Variants in SIGIRR observed in about 807,000 individuals in gnomAD.
SIGIRR encodes single Ig and TIR domain containing.
A neutral mutation model predicts 45.6 loss-of-function variants in SIGIRR; 41 were observed. That is an observed-to-expected ratio of 0.90 (90% CI 0.70 to 1.17). SIGIRR has a LOEUF of 1.17. SIGIRR is among the 50% of genes most tolerant of loss of function. The probability of loss-of-function intolerance (pLI) is 0.00; values close to 1 mark genes in which losing one functional copy is unlikely to be tolerated. For missense variants in SIGIRR, 599 were observed against 539.6 expected, an observed-to-expected ratio of 1.11 and a Z score of -1.09; for synonymous variants, 298 against 239.0, an observed-to-expected ratio of 1.25 and a Z score of -2.28.
intron 1 of SIGIRR, among the ~76,000 whole-genome samples, chr11:413,895 C>A: frequency 7.1e-6 from 1 of 139,874 alleles, no homozygotes; most frequent in Non-Finnish European, 1.6e-5. Flanking sequence ...CCCCTCCCCA[C>A]CTTCCCCTGC....
At chr11:407,311 C>CG (rs1847375697) in intron 6 of SIGIRR, 114 bp downstream of exon 6, 12 of 623,822 alleles carry the variant, frequency 1.9e-5, no homozygotes, top group East Asian at 3.9e-5. Flanking sequence ...CTCGGGTGGG[C>CG]GGGGATGGGG....
At chr11:413,377 T>G (rs918352776) in intron 1 of SIGIRR, among the ~76,000 whole-genome samples, 1 of 151,992 alleles carries the variant, frequency 6.6e-6, no homozygotes, top group South Asian at 2.1e-4. Context: ...AGGAAAGTCC[T>G]TGACCCAGGG....
rs751726352 is a variant in SIGIRR, at chr11:407,865, T to TGACATAGAGCACTTGACA, written c.432_433insTGTCAAGTGCTCTATGTC (p.Leu144_Asn145insCysGlnValLeuTyrVal). On this transcript the variant is annotated inframe_insertion, in exon 5 of 10. Coordinates refer to ENST00000431843, the MANE Select transcript of SIGIRR (RefSeq NM_001135054.2). The stretch of plus-strand genomic sequence containing the variant: ...GCGTCCTGGTACCAGAGCAGCACGT[T>TGACATAGAGCACTTGACA]GAGACGGCACTTGACATAGAGCAGG... The TGACATAGAGCACTTGACA allele has an allele frequency of 7.4e-6, 12 of 1,612,486 alleles. No individual in the cohort carries two copies. The highest frequency in any genetic ancestry group is 1.0e-5 in the Non-Finnish European group (12 of 1,179,866).
chr11:406,264 C>T (rs1252434378), intron 9 of SIGIRR, 85 bp downstream of exon 9: 2 of 1,554,040 alleles, frequency 1.3e-6, no homozygotes, highest in Non-Finnish European at 1.7e-6. Context: ...ACCTGGAGCC[C>T]CTCCAGGCCC....
At chr11:415,593 C>A (rs1847860375), upstream of SIGIRR, among the ~76,000 whole-genome samples, 1 of 152,210 alleles carries the variant, frequency 6.6e-6, no homozygotes, top group African/African-American at 2.4e-5. The surrounding 1 kb of genome is among the most constrained non-coding windows in gnomAD (Gnocchi z 6.6). Context: ...TCCGCCCTCT[C>A]CCCGTCCCTC....
At chr11:407,678 G>T in intron 5 of SIGIRR, 110 bp from the exon 6 acceptor site, 4 of 1,558,582 alleles carry the variant, frequency 2.6e-6, no homozygotes, top group South Asian at 1.2e-5. Context: ...ACCCGCCCCG[G>T]ACTTTAACCC....
rs1176451913 is a variant in SIGIRR, at chr11:407,935, C to G, written c.363G>C (p.Ala121=). ...GCAGGACCAGGAGGGAGGCCAGCAC[C>G]GCAGCCACGTGGCTTGTAGGGCCTG... ...QRAGPTSHVA[A]VLASLLVLLA... Residue 121 remains alanine, a synonymous_variant, in exon 5 of 10, where the codon GCG becomes GCC. Coordinates refer to ENST00000431843, the MANE Select transcript of SIGIRR (RefSeq NM_001135054.2). The G allele has an allele frequency of 3.1e-6, 5 of 1,610,274 alleles. No homozygotes were observed. Among genetic ancestry groups the G allele is most frequent in the East Asian group, 2.2e-5 (1 of 44,848 alleles).
chr11:406,150 G>GT (rs1564885672), intron 9 of SIGIRR, 91 bp from the exon 10 acceptor site: 1 of 1,538,068 alleles, frequency 6.5e-7, no homozygotes, highest in Non-Finnish European at 8.7e-7. Flanking sequence ...ACCCCCTGCT[G>GT]TGATGGCCTG....
In SIGIRR at chr11:407,229, G is replaced by T. The variant is rs12800690; in HGVS notation, c.626-65C>A. The T allele has an allele frequency of 2.2e-5, 24 of 1,084,272 alleles. No homozygotes were observed. The East Asian group carries it at 7.7e-4, about 35-fold the overall frequency. 67.2% of individuals were successfully genotyped at this position (1,084,272 alleles called of 1,614,324 possible). On this transcript the variant is annotated intron_variant, in intron 6 of 9. Transcript: ENST00000431843. ...GGGGGAGGGCGGGGCCGGAGGCTCA[G>T]GGGCGGTGCCGGACGCAGAGCTCTA...
At chr11:415,142 TCAAGCGGCTCCTTCCTCTGGAGCCCGC>T (rs1344299188), upstream of SIGIRR, 1 of 151,918 alleles carries the variant, frequency 6.6e-6, no homozygotes, top group African/African-American at 2.4e-5. This position sits in a 1 kb window ranked among gnomAD's most constrained non-coding sequence, Gnocchi z 6.6. Flanking sequence ...TAGCTCTGAG[TCAAGCGGCTCCTTCCTCTGGAGCCCGC>T]CCCAACCCAC....
rs767004992 is a variant in SIGIRR at position 408,056 on chromosome 11, TG to T, written c.340+16del. ...CTAGGTCCCCTTCTACCCTCCACCT[TG>T]GGGAACCCCCATCACCAGCTCTCTG... On this transcript the variant is annotated intron_variant, in intron 4 of 9. Transcript: ENST00000431843. 6.2e-7 allele frequency: 1 copy of T among 1,612,374 alleles called. No homozygotes were observed. The highest frequency in any genetic ancestry group is 8.5e-7 in the Non-Finnish European group (1 of 1,179,830).
chr11:406,095 C>T (rs749388804), intron 9 of SIGIRR, 36 bp from the exon 10 acceptor site: 64 of 1,546,794 alleles, frequency 4.1e-5, no homozygotes, highest in Non-Finnish European at 5.5e-5. Flanking sequence ...GAGGTGGCCA[C>T]CCACAGCCTT....
At chr11:412,900 T>C (rs967605333) in intron 1 of SIGIRR, among the ~76,000 whole-genome samples, 9 of 152,042 alleles carry the variant, frequency 5.9e-5, no homozygotes, top group Non-Finnish European at 1.3e-4. Context: ...TCGGGTCCCA[T>C]GTCCTTTCCC....
intron 1 of SIGIRR, among the ~76,000 whole-genome samples, chr11:411,676 G>C (rs1246056707): frequency 4.8e-3 from 513 of 106,254 alleles, no homozygotes; most frequent in African/African-American, 0.017. Flanking sequence ...TACAGTCGGT[G>C]GGGGTTGCCC....
chr11:410,472 C>G (rs531974318), intron 1 of SIGIRR, among the ~76,000 whole-genome samples: 64 of 147,172 alleles, frequency 4.3e-4, no homozygotes, highest in African/African-American at 1.7e-3. Flanking sequence ...AGATGCCCAG[C>G]TCTGACCATG....
At position 405,732 on chromosome 11, in the gene SIGIRR, T is replaced by A; in HGVS notation, c.*164A>T. 1.3e-6 allele frequency: 1 copy of A among 796,514 alleles called. No homozygotes were observed. Among genetic ancestry groups the A allele is most frequent in the Non-Finnish European group, 1.9e-6 (1 of 526,642 alleles). The allele number at this position is 796,514 out of a possible 1,614,324, so 49.3% of individuals were successfully genotyped here. A position where few individuals can be genotyped will look rare whatever the true frequency, so the allele number is the denominator to read the frequency against. On this transcript the variant is annotated 3_prime_UTR_variant, in exon 10 of 10. Transcript: ENST00000431843. ...AGGCCCCAGCAGAATCCAAAAGGAC[T>A]TTATTTTCTGGCACTGGGAGGCGCC...
In SIGIRR at chr11:413,761, C is replaced by T. The variant is rs578005391; in HGVS notation, c.-154+1062G>A. 2.2e-4 allele frequency among the ~76,000 whole-genome samples: 32 copies of T among 144,326 alleles called. 1 individual carries two copies. The East Asian group carries it at 5.7e-3, about 26-fold the overall frequency. 94.7% of individuals were successfully genotyped at this position (144,326 alleles called of 152,430 possible). A position where few individuals can be genotyped will look rare whatever the true frequency, so the allele number is the denominator to read the frequency against. On this transcript the variant is annotated intron_variant, in intron 1 of 9. Transcript: ENST00000431843. Reference sequence around the variant, plus strand: ...GCTCCCTCTCCCCTACGCACCTTCCCCTGCACCCTCTCCTCTGCCTGCCTC... The same window carrying T: ...GCTCCCTCTCCCCTACGCACCTTCCTCTGCACCCTCTCCTCTGCCTGCCTC...
chr11:410,236 G>A (rs1304332186), intron 1 of SIGIRR, among the ~76,000 whole-genome samples: 1 of 152,156 alleles, frequency 6.6e-6, no homozygotes, highest in Non-Finnish European at 1.5e-5. Context: ...GGACCACGGG[G>A]AGGGGCCATC....
At chr11:410,343 G>GT (rs1296394013) in intron 1 of SIGIRR, among the ~76,000 whole-genome samples, 3 of 152,142 alleles carry the variant, frequency 2.0e-5, no homozygotes, top group Non-Finnish European at 4.4e-5. Flanking sequence ...CGACATGGCA[G>GT]TTGGCCTCAC....
Sources: allele counts gnomAD v4.1 joint callset (sites outside exome capture counted in the v4.1 genomes callset), GRCh38; gene constraint gnomAD v4.1.1; non-coding constraint Gnocchi (gnomAD v3.1); transcripts MANE v1.5; gene names NCBI Gene and HGNC (gene_info 2026-07-23, HGNC 2026-07-21).